The following GABRA2 variants were observed in gnomAD, a reference collection of about 807,000 sequenced individuals.
The protein encoded by GABRA2 is gamma-aminobutyric acid type A receptor subunit alpha2, also known as gamma-aminobutyric acid receptor subunit alpha-2.
In GABRA2, 16 loss-of-function variants were observed where a neutral mutation model predicts 48.7. The observed-to-expected ratio is 0.33, with a 90% CI of 0.22 to 0.50. The LOEUF (loss-of-function observed/expected upper bound fraction) is 0.50. Among genes scored for constraint, GABRA2 ranks in the 20% least tolerant of loss-of-function variants. GABRA2 has a pLI of 0.98. For synonymous variants in GABRA2, 185 were observed against 184.5 expected, an observed-to-expected ratio of 1.00 and a Z score of -0.02; for missense variants, 275 against 535.6, an observed-to-expected ratio of 0.51 and a Z score of 4.80.
chr4:46,312,104 A>C (rs1727742471), intron 5 of GABRA2, among the ~76,000 whole-genome samples: 1 of 152,198 alleles, frequency 6.6e-6, no homozygotes, highest in Admixed American at 6.6e-5. Context: ...GCCTCAATAA[A>C]TGAATAAATA....
chr4:46,315,016 T>C (rs972453254), intron 4 of GABRA2, among the ~76,000 whole-genome samples: 1 of 152,116 alleles, frequency 6.6e-6, no homozygotes, highest in Admixed American at 6.6e-5. Flanking sequence ...GTAATGCGAT[T>C]GCTGGGTTGC....
chr4:46,325,557 C>T (rs1451863565), intron 4 of GABRA2, among the ~76,000 whole-genome samples: 1 of 151,854 alleles, frequency 6.6e-6, no homozygotes, highest in African/African-American at 2.4e-5. Flanking sequence ...TTCCCTTTCC[C>T]ATGAAGAAGC....
chr4:46,386,013 T>C, intron 3 of GABRA2, 61 bp downstream of exon 3: 4 of 942,882 alleles, frequency 4.2e-6, no homozygotes, highest in Non-Finnish European at 6.8e-6. Flanking sequence ...ATAGGAATAT[T>C]ACCCTTAACT....
chr4:46,288,939 A>G (rs1723065042), intron 8 of GABRA2, among the ~76,000 whole-genome samples: 1 of 152,208 alleles, frequency 6.6e-6, no homozygotes, highest in Non-Finnish European at 1.5e-5. Flanking sequence ...CATGTAGCCA[A>G]CAATCATATG....
chr4:46,301,710 T>C (rs1725767761), intron 8 of GABRA2, among the ~76,000 whole-genome samples: 1 of 152,206 alleles, frequency 6.6e-6, no homozygotes, highest in South Asian at 2.1e-4. Context: ...ATGCTGTTGT[T>C]TTCTATAACT....
intron 8 of GABRA2, among the ~76,000 whole-genome samples, chr4:46,297,177 A>T (rs1394404533): frequency 6.6e-6 from 1 of 151,958 alleles, no homozygotes; most frequent in Non-Finnish European, 1.5e-5. Flanking sequence ...GCCAAAGGAG[A>T]TTAACATTTG....
At chr4:46,380,242 C>A (rs1236582503) in intron 3 of GABRA2, among the ~76,000 whole-genome samples, 1 of 152,110 alleles carries the variant, frequency 6.6e-6, no homozygotes, top group Non-Finnish European at 1.5e-5. Flanking sequence ...TGACAGTAAT[C>A]GTGAAGATAA....
intron 4 of GABRA2, among the ~76,000 whole-genome samples, chr4:46,330,591 T>TATAG (rs1411755120): frequency 1.6e-3 from 198 of 122,672 alleles, no homozygotes; most frequent in African/African-American, 4.4e-3. Flanking sequence ...TATATATATA[T>TATAG]AGAGAGAGAG....
At chr4:46,253,987 C>G (rs1424951198) in intron 9 of GABRA2, among the ~76,000 whole-genome samples, 1 of 151,574 alleles carries the variant, frequency 6.6e-6, no homozygotes, top group South Asian at 2.1e-4. Flanking sequence ...CTGTTGAATT[C>G]ATAGCTGACT....
At chr4:46,286,657 T>C (rs554362705) in intron 8 of GABRA2, among the ~76,000 whole-genome samples, 70 of 152,296 alleles carry the variant, frequency 4.6e-4, no homozygotes, top group Non-Finnish European at 7.5e-4. Context: ...GGTTATGAAA[T>C]GTATCACACT....
chr4:46,322,926 C>T lies in GABRA2; in HGVS notation c.255+9689G>A, dbSNP rs549387097. ...TGACTTTCATTTGTGTGTTTGCACG[C>T]GTGCATCTAGGTAACTATGTTAAAC... On this transcript the variant is annotated intron_variant, in intron 4 of 9. Transcript: ENST00000381620. 5.9e-5 allele frequency among the ~76,000 whole-genome samples: 9 copies of T among 151,814 alleles called. No individual in the cohort carries two copies. In the South Asian group the frequency reaches 8.3e-4, roughly 14 times the overall value.
In GABRA2 at chr4:46,388,661, C is replaced by A; in HGVS notation, c.46G>T (p.Val16Phe). The A allele has an allele frequency of 6.2e-7, 1 of 1,613,956 alleles. No homozygotes were observed. The highest frequency in any genetic ancestry group is 8.5e-7 in the Non-Finnish European group (1 of 1,179,962). ...CTGGCAGGGTCCCACACCAAGAAAACAAAAAGCAGGAACTGCATGTTGTAG... is the reference window on the plus strand; with the variant it reads ...CTGGCAGGGTCCCACACCAAGAAAAAAAAAAGCAGGAACTGCATGTTGTAG... ...NIYNMQFLLF[V>F]FLVWDPARLV... Residue 16 changes from valine (V) to phenylalanine (F), a missense_variant, in exon 2 of 10, where the codon GTT (valine) becomes TTT (phenylalanine). Physicochemically the swap from Val to Phe is conservative, Grantham distance 50 (BLOSUM62 -1). Around this residue, in one of 4 missense-constraint regions of GABRA2, gnomAD observed 39 missense variants for 40.5 expected, o/e 0.96. Coordinates refer to ENST00000381620, the MANE Select transcript of GABRA2 (RefSeq NM_000807.4).
Position 46,322,533 on chromosome 4 carries a change from T to C in GABRA2, c.256-9817A>G, listed in dbSNP as rs1263573675. ...TATGTGTCAGGCCTCTGATTTATCA[T>C]GCTGCATTTTACTATGCAAACTCAC... On this transcript the variant is annotated intron_variant, in intron 4 of 9. Transcript: ENST00000381620. Among the ~76,000 whole-genome samples the C allele has an allele frequency of 2.6e-5, 4 of 152,094 alleles. No individual in the cohort carries two copies. The East Asian group carries it at 7.8e-4, about 30-fold the overall frequency.
chr4:46,281,195 G>C (rs1407413205), intron 8 of GABRA2, among the ~76,000 whole-genome samples: 2 of 152,184 alleles, frequency 1.3e-5, no homozygotes, highest in Non-Finnish European at 2.9e-5. Context: ...GTTTTGTGCA[G>C]ATTGAGTTTG....
At chr4:46,323,231 G>A (rs575902040) in intron 4 of GABRA2, among the ~76,000 whole-genome samples, 2 of 151,792 alleles carry the variant, frequency 1.3e-5, no homozygotes, top group South Asian at 4.1e-4. Flanking sequence ...TTTATGGTCT[G>A]GCTCGGAATA....
intron 8 of GABRA2, among the ~76,000 whole-genome samples, chr4:46,269,226 G>A (rs894236832): frequency 6.6e-6 from 1 of 151,762 alleles, no homozygotes; most frequent in Non-Finnish European, 1.5e-5. Context: ...AAATATTAGA[G>A]GTGACAGATA....
chr4:46,256,298 A>G, intron 9 of GABRA2: 1 of 695,928 alleles, frequency 1.4e-6, no homozygotes, highest in Non-Finnish European at 2.6e-6. Flanking sequence ...CTTGGACCAT[A>G]TTAGCTTAGC....
At chr4:46,353,426 C>T (rs1482123873) in intron 3 of GABRA2, among the ~76,000 whole-genome samples, 5 of 152,104 alleles carry the variant, frequency 3.3e-5, no homozygotes. Flanking sequence ...CAAATCGTGC[C>T]ATGGCTCTGC....
chr4:46,301,316 T>A (rs1725695040), intron 8 of GABRA2, among the ~76,000 whole-genome samples: 1 of 152,130 alleles, frequency 6.6e-6, no homozygotes. Flanking sequence ...CTCAACAAAA[T>A]GGTTTTGAAA....
Sources: gnomAD v4.1 joint callset for allele counts (sites outside exome capture counted in the v4.1 genomes callset) on GRCh38, gnomAD v4.1.1 for gene constraint, gnomAD v4.1.1 regional missense constraint, MANE v1.5 for transcripts, NCBI Gene and HGNC (gene_info 2026-07-23, HGNC 2026-07-21) for gene names.